ILKAP: variants seen among roughly 807,000 people sequenced by gnomAD.
ILKAP encodes integrin-linked kinase-associated serine/threonine phosphatase 2C.
A neutral mutation model predicts 49.1 loss-of-function variants in ILKAP; 11 were observed. The ratio of observed to expected loss-of-function variants is 0.22; its 90% CI spans 0.14 to 0.37. ILKAP has a LOEUF of 0.37. Ranked by LOEUF, ILKAP falls within the 10% of genes least tolerant of loss-of-function variation. ILKAP has a pLI of 1.00. For missense variants in ILKAP, 363 were observed against 510.8 expected (o/e 0.71, Z 2.79); for synonymous variants, 186 against 192.8 (o/e 0.96, Z 0.29).
At chr2:238,180,521 T>C (rs1382289638) in intron 9 of ILKAP, among the ~76,000 whole-genome samples, 1 of 152,246 alleles carries the variant, frequency 6.6e-6, no homozygotes, top group African/African-American at 2.4e-5. Context: ...AATGTTTTAC[T>C]ATTGTCAAGT....
chr2:238,174,311 GCCAAGGAAAAA>G (rs1559288032), intron 9 of ILKAP, among the ~76,000 whole-genome samples: 1 of 152,154 alleles, frequency 6.6e-6, no homozygotes, highest in Non-Finnish European at 1.5e-5. Context: ...CAGTCCTATT[GCCAAGGAAAAA>G]CCATTTGGGG....
rs1013564855 is a variant in ILKAP, at chr2:238,203,376, C to A, written c.55+123G>T. 3.0e-4 allele frequency: 82 copies of A among 269,664 alleles called. 3 individuals carry two copies. The highest frequency in any genetic ancestry group is 9.1e-5 in the Non-Finnish European group (15 of 164,566). The allele number at this position is 269,664 out of a possible 1,614,324, so 16.7% of individuals were successfully genotyped here. ...GGCCTGGCCAGGCAGGAGCAGGCCC[C>A]GTGCAGCCCGCGCCGCCCGCCGCCT... On this transcript the variant is annotated intron_variant, in intron 1 of 11. Transcript: ENST00000254654.
In ILKAP at chr2:238,185,299, A is replaced by C; in HGVS notation, c.426-12T>G. 6.6e-7 allele frequency: 1 copy of C among 1,523,932 alleles called. No individual in the cohort carries two copies. The highest frequency in any genetic ancestry group is 9.1e-7 in the Non-Finnish European group (1 of 1,099,908). The allele number at this position is 1,523,932 out of a possible 1,614,324, so 94.4% of individuals were successfully genotyped here. A position where few individuals can be genotyped will look rare whatever the true frequency, so the allele number is the denominator to read the frequency against. ...ATGAAACCCGAGTACTGAAAGAACG[A>C]ATTGAGAGTTAATCAAATTCTCACA... On this transcript the variant is annotated splice_polypyrimidine_tract_variant and intron_variant, in intron 5 of 11. Coordinates refer to ENST00000254654, the MANE Select transcript of ILKAP (RefSeq NM_030768.3).
At chr2:238,194,515 AAG>A in intron 2 of ILKAP, 184 bp from the exon 3 acceptor site, 1 of 616,918 alleles carries the variant, frequency 1.6e-6, no homozygotes. Context: ...TATTATTTCA[AAG>A]GAAATAAAAA....
At chr2:238,197,270 G>A (rs147366564) in intron 1 of ILKAP, among the ~76,000 whole-genome samples, 109 of 152,260 alleles carry the variant, frequency 7.2e-4, no homozygotes, top group African/African-American at 2.3e-3. Flanking sequence ...CTAATATCCC[G>A]AAGTAGGTCA....
At chr2:238,197,461 C>T (rs1239945429) in intron 1 of ILKAP, among the ~76,000 whole-genome samples, 1 of 152,144 alleles carries the variant, frequency 6.6e-6, no homozygotes, top group African/African-American at 2.4e-5. Context: ...ACAACCCTTC[C>T]GCTTGTACCA....
chr2:238,185,596 G>T, intron 5 of ILKAP: 1 of 251,142 alleles, frequency 4.0e-6, no homozygotes, highest in Non-Finnish European at 7.9e-6. Context: ...GAGATCAGGA[G>T]ATCAAGACCA....
rs1457982614 is a variant in ILKAP, at chr2:238,188,211, C to A, written c.345G>T (p.Lys115Asn). 6.2e-7 allele frequency: 1 copy of A among 1,613,958 alleles called. No homozygotes were observed. Among genetic ancestry groups the A allele is most frequent in the Admixed American group, 1.7e-5 (1 of 59,986 alleles). ...CATCCTGCATCTCCTCCCTCTCACC[C>A]TTCCGCTCAGCCACATAGCCCTTCA... ...FGLKGYVAERKGEREEMQDAH... is the reference protein window; with the variant it reads ...FGLKGYVAERNGEREEMQDAH... Residue 115 changes from lysine to asparagine, a missense_variant, in exon 5 of 12, where the codon AAG (lysine) becomes AAT (asparagine). Around this residue, in one of 3 missense-constraint regions of ILKAP, gnomAD observed 166 missense variants for 307.3 expected, o/e 0.54. Coordinates refer to ENST00000254654, the MANE Select transcript of ILKAP (RefSeq NM_030768.3).
intron 5 of ILKAP, 36 bp from the exon 6 acceptor site, chr2:238,185,323 C>A: frequency 7.8e-7 from 1 of 1,281,604 alleles, no homozygotes; most frequent in Non-Finnish European, 1.1e-6. Flanking sequence ...CAAATTCTCA[C>A]AGCAAAAACC....
chr2:238,192,849 C>A (rs1023280133), intron 3 of ILKAP, among the ~76,000 whole-genome samples: 5 of 151,880 alleles, frequency 3.3e-5, no homozygotes, highest in African/African-American at 1.2e-4. Flanking sequence ...CCTGTCTCTA[C>A]TAAAAATACA....
At chr2:238,203,275 G>A (rs1451988193) in intron 1 of ILKAP, among the ~76,000 whole-genome samples, 5 of 150,884 alleles carry the variant, frequency 3.3e-5, no homozygotes, top group Admixed American at 1.3e-4. Context: ...TTCCTGCGTA[G>A]CGAAAATGGC....
chr2:238,174,422 T>C (rs1434750308), intron 9 of ILKAP, among the ~76,000 whole-genome samples: 1 of 152,174 alleles, frequency 6.6e-6, no homozygotes, highest in Non-Finnish European at 1.5e-5. Flanking sequence ...AGGCCCTTGT[T>C]TGTAAAGGCA....
At chr2:238,202,046 G>A (rs971766226) in intron 1 of ILKAP, among the ~76,000 whole-genome samples, 16 of 152,208 alleles carry the variant, frequency 1.1e-4, no homozygotes, top group African/African-American at 3.9e-4. Flanking sequence ...CCAACATGGT[G>A]AAACCCCGTC....
At chr2:238,172,311 C>CA (rs1373295718) in intron 10 of ILKAP, among the ~76,000 whole-genome samples, 1 of 152,212 alleles carries the variant, frequency 6.6e-6, no homozygotes, top group African/African-American at 2.4e-5. Context: ...CTCCGCCTCC[C>CA]AAAGTGTTGG....
At chr2:238,172,112 G>A (rs761642277) in intron 10 of ILKAP, among the ~76,000 whole-genome samples, 6 of 152,110 alleles carry the variant, frequency 3.9e-5, no homozygotes, top group Admixed American at 6.5e-5. Flanking sequence ...GAGAGCAATG[G>A]CATGATCTCG....
At chr2:238,182,820 A>G (rs1240605330) in intron 8 of ILKAP, among the ~76,000 whole-genome samples, 2 of 152,210 alleles carry the variant, frequency 1.3e-5, no homozygotes, top group Admixed American at 1.3e-4. Flanking sequence ...CATGTGGGCT[A>G]AGGCCAGTCT....
chr2:238,171,101 G>A lies in ILKAP; in HGVS notation c.957-77C>T, dbSNP rs1574774754. 8.6e-6 allele frequency: 8 copies of A among 927,562 alleles called. No individual in the cohort carries two copies. The South Asian group carries it at 8.9e-5, about 10-fold the overall frequency. The allele number at this position is 927,562 out of a possible 1,614,324, so 57.5% of individuals were successfully genotyped here. On this transcript the variant is annotated intron_variant, in intron 10 of 11. Transcript: ENST00000254654. ...AAAAATAAAAAAAGGGCCTGGAGAT[G>A]GAGATAAAATAAATATTTGTCCAAC...
chr2:238,190,517 T>C (rs993260045), intron 3 of ILKAP, among the ~76,000 whole-genome samples: 4 of 152,198 alleles, frequency 2.6e-5, no homozygotes, highest in East Asian at 1.9e-4. Flanking sequence ...GTGTATGTGT[T>C]TGAAATGAGA....
chr2:238,179,245 T>G (rs1232711806), intron 9 of ILKAP, among the ~76,000 whole-genome samples: 1 of 152,156 alleles, frequency 6.6e-6, no homozygotes, highest in Non-Finnish European at 1.5e-5. Flanking sequence ...GAATAGTCAG[T>G]TGGCACACAG....
Sources: allele counts gnomAD v4.1 joint callset (sites outside exome capture counted in the v4.1 genomes callset), GRCh38; gene constraint gnomAD v4.1.1; regional missense constraint gnomAD v4.1.1; transcripts MANE v1.5; gene names NCBI Gene and HGNC (gene_info 2026-07-23, HGNC 2026-07-21).